The following PTPRA variants were observed in gnomAD, a reference collection of about 807,000 sequenced individuals.
PTPRA encodes receptor-type tyrosine-protein phosphatase alpha.
A neutral mutation model predicts 104.8 loss-of-function variants in PTPRA; 25 were observed. That is an observed-to-expected ratio of 0.24 (90% CI 0.17 to 0.33). The LOEUF (loss-of-function observed/expected upper bound fraction) is 0.33. Among genes scored for constraint, PTPRA ranks in the 10% least tolerant of loss-of-function variants. The probability of loss-of-function intolerance (pLI) is 1.00; values close to 1 mark genes in which losing one functional copy is unlikely to be tolerated. For synonymous variants in PTPRA, 323 were observed against 368.9 expected (o/e 0.88, Z 1.43); for missense variants, 765 against 1,015.3 (o/e 0.75, Z 3.35).
chr20:2,893,022 T>C (rs962563543), intron 1 of PTPRA, among the ~76,000 whole-genome samples: 16 of 152,252 alleles, frequency 1.1e-4, no homozygotes, highest in Non-Finnish European at 1.6e-4. Context: ...CTGTCTTAAT[T>C]GTATTCTGTA....
chr20:2,928,002 T>C (rs2060367386), intron 2 of PTPRA, among the ~76,000 whole-genome samples: 1 of 152,056 alleles, frequency 6.6e-6, no homozygotes, highest in South Asian at 2.1e-4. Context: ...AGAGTGAGAC[T>C]CCATCTCAGT....
intron 20 of PTPRA, among the ~76,000 whole-genome samples, chr20:3,034,627 T>C (rs2065710292): frequency 6.6e-6 from 1 of 152,070 alleles, no homozygotes; most frequent in Non-Finnish European, 1.5e-5. Flanking sequence ...CCAGGGCTTC[T>C]AGAGAACATG....
rs61061739 is a variant in PTPRA, at chr20:2,943,213, AC to A, written c.-49-4759del. On this transcript the variant is annotated intron_variant, in intron 2 of 23. Coordinates refer to ENST00000399903, the MANE Select transcript of PTPRA (RefSeq NM_001385305.1). ...TGGGAGTCTTGGAACATATCCCCCCACCCCCCCCCCAGATAAGGGGGTAGTA... is the reference window on the plus strand; with the variant it reads ...TGGGAGTCTTGGAACATATCCCCCCACCCCCCCCCAGATAAGGGGGTAGTA... 7.1e-4 allele frequency among the ~76,000 whole-genome samples: 83 copies of A among 116,474 alleles called. 2 individuals carry two copies. The highest frequency in any genetic ancestry group is 1.4e-3 in the African/African-American group (41 of 29,806). The allele number at this position is 116,474 out of a possible 152,430, so 76.4% of individuals were successfully genotyped here.
chr20:2,974,056 T>C (rs956866183), intron 5 of PTPRA, among the ~76,000 whole-genome samples: 1 of 150,866 alleles, frequency 6.6e-6, no homozygotes, highest in Non-Finnish European at 1.5e-5. Context: ...GTTCACGCCA[T>C]TCTCCTGCCT....
At chr20:2,927,587 ACT>A (rs1248245891) in intron 2 of PTPRA, among the ~76,000 whole-genome samples, 1 of 152,192 alleles carries the variant, frequency 6.6e-6, no homozygotes, top group Non-Finnish European at 1.5e-5. Context: ...ACCAGTGGGC[ACT>A]GTTTTTTAGG....
chr20:3,004,998 T>G, intron 9 of PTPRA, 58 bp from the exon 10 acceptor site: 1 of 1,452,538 alleles, frequency 6.9e-7, no homozygotes. Flanking sequence ...GTGCAGCAGT[T>G]TGCATGTTTG....
intron 19 of PTPRA, 146 bp downstream of exon 19, chr20:3,027,343 C>T: frequency 2.4e-6 from 2 of 844,196 alleles, no homozygotes; most frequent in Admixed American, 4.2e-5. Flanking sequence ...ACCCACTCAC[C>T]CTGTGCATTA....
At chr20:2,881,997 CAG>C (rs553062067) in intron 1 of PTPRA, among the ~76,000 whole-genome samples, 59 of 152,130 alleles carry the variant, frequency 3.9e-4, no homozygotes, top group African/African-American at 1.4e-3. Context: ...GAGACTGTTT[CAG>C]GGGAAAAAAA....
At chr20:2,871,982 C>G (rs1257629489), upstream of PTPRA, among the ~76,000 whole-genome samples, 3 of 152,224 alleles carry the variant, frequency 2.0e-5, no homozygotes, top group Admixed American at 2.0e-4. Flanking sequence ...CCCGCCCCAC[C>G]CATATTCCCA....
intron 6 of PTPRA, 111 bp from the exon 7 acceptor site, chr20:2,986,654 C>T: frequency 1.1e-6 from 1 of 904,034 alleles, no homozygotes; most frequent in Non-Finnish European, 1.8e-6. Context: ...TTCCTGGCAT[C>T]TGCAGAAGGA....
intron 22 of PTPRA, 146 bp downstream of exon 22, chr20:3,036,087 G>T: frequency 7.0e-7 from 1 of 1,421,968 alleles, no homozygotes; most frequent in Non-Finnish European, 9.3e-7. Context: ...TGCCAAGACA[G>T]GATTGGATGC....
At chr20:2,897,385 T>C (rs998529886) in intron 1 of PTPRA, among the ~76,000 whole-genome samples, 31 of 83,764 alleles carry the variant, frequency 3.7e-4, no homozygotes, top group African/African-American at 3.3e-3. Context: ...TTGGCATTTC[T>C]TTTTTTTTTT....
intron 1 of PTPRA, among the ~76,000 whole-genome samples, chr20:2,912,937 C>CT (rs765052427): frequency 3.3e-5 from 5 of 152,068 alleles, no homozygotes; most frequent in African/African-American, 4.8e-5. Flanking sequence ...TTAGTGTGCA[C>CT]TTTTTTTGTC....
At chr20:2,980,443 A>G (rs566091992) in intron 6 of PTPRA, among the ~76,000 whole-genome samples, 3 of 152,042 alleles carry the variant, frequency 2.0e-5, no homozygotes, top group African/African-American at 7.2e-5. Context: ...AGTTCCAGCT[A>G]CTAGGGAGGC....
chr20:2,904,896 G>A lies in PTPRA; in HGVS notation c.-128-18311G>A, dbSNP rs116329956. 4.9e-3 allele frequency among the ~76,000 whole-genome samples: 739 copies of A among 152,162 alleles called. 7 individuals carry two copies. The highest frequency in any genetic ancestry group is 0.017 in the African/African-American group (695 of 41,520). On this transcript the variant is annotated intron_variant, in intron 1 of 23. Transcript: ENST00000399903. ...CAGTGGGCTGTTTGGGGAAAAATAC[G>A]TAAAGATTTCTAATTTAGACTATAT...
At chr20:2,865,642 T>C in the PTPRA span, 4 of 757,454 alleles carry the variant, frequency 5.3e-6, no homozygotes, top group Non-Finnish European at 8.4e-6. The surrounding 1 kb of genome is among the most constrained non-coding windows in gnomAD (Gnocchi z 5.2). Context: ...TACACATTTG[T>C]GGGCAGGCAT....
the PTPRA span, chr20:2,866,117 T>C: frequency 9.6e-7 from 1 of 1,041,160 alleles, no homozygotes; most frequent in Admixed American, 2.0e-5. Context: ...ATAGAATATA[T>C]ATGGACGATG....
intron 13 of PTPRA, among the ~76,000 whole-genome samples, chr20:3,019,926 C>T (rs1470047107): frequency 1.3e-5 from 2 of 152,094 alleles, no homozygotes; most frequent in Non-Finnish European, 2.9e-5. Flanking sequence ...ATACGAAAAC[C>T]AGTCAGGCGT....
chr20:2,943,100 C>G (rs1379437597), intron 2 of PTPRA, among the ~76,000 whole-genome samples: 1 of 151,630 alleles, frequency 6.6e-6, no homozygotes, highest in East Asian at 1.9e-4. Context: ...AGTGGTTACC[C>G]TACAGATTAC....
Sources: allele counts gnomAD v4.1 joint callset (sites outside exome capture counted in the v4.1 genomes callset), GRCh38; gene constraint gnomAD v4.1.1; non-coding constraint Gnocchi (gnomAD v3.1); transcripts MANE v1.5; gene names NCBI Gene and HGNC (gene_info 2026-07-23, HGNC 2026-07-21).